Variants in CDKAL1 observed in about 807,000 individuals in gnomAD.
CDKAL1 encodes the protein threonylcarbamoyladenosine tRNA methylthiotransferase.
In CDKAL1, 32 loss-of-function variants were observed where a neutral mutation model predicts 68.2. That is an observed-to-expected ratio of 0.47 (90% CI 0.35 to 0.63). The LOEUF is 0.63. Among genes scored for constraint, CDKAL1 ranks in the 30% least tolerant of loss-of-function variants. The pLI, the probability that CDKAL1 is intolerant of heterozygous loss-of-function variation, is 0.00. For synonymous variants in CDKAL1, 234 were observed against 244.3 expected, an observed-to-expected ratio of 0.96 and a Z score of 0.39; for missense variants, 606 against 696.7, an observed-to-expected ratio of 0.87 and a Z score of 1.47.
At chr6:20,975,967 C>G (rs765544736) in intron 10 of CDKAL1, among the ~76,000 whole-genome samples, 3 of 152,014 alleles carry the variant, frequency 2.0e-5, no homozygotes, top group Non-Finnish European at 4.4e-5. Flanking sequence ...TGACACGTAC[C>G]CACCGTTATA....
At chr6:20,819,502 C>G (rs1415614002) in intron 8 of CDKAL1, among the ~76,000 whole-genome samples, 2 of 152,246 alleles carry the variant, frequency 1.3e-5, no homozygotes, top group African/African-American at 4.8e-5. Context: ...GCTCTGTCTC[C>G]TGTTTTTCTG....
chr6:20,770,964 T>C (rs528333810), intron 7 of CDKAL1, among the ~76,000 whole-genome samples: 17 of 152,168 alleles, frequency 1.1e-4, no homozygotes, highest in Non-Finnish European at 2.4e-4. Flanking sequence ...GTGGTGTCTC[T>C]CTGTACTTAG....
chr6:20,548,940 TCAC>T (rs1763710899), intron 4 of CDKAL1, among the ~76,000 whole-genome samples: 1 of 152,232 alleles, frequency 6.6e-6, no homozygotes, highest in South Asian at 2.1e-4. Context: ...CATATGCCCA[TCAC>T]CAAGCTTCCC....
chr6:20,801,999 A>T (rs1395371185), intron 8 of CDKAL1, among the ~76,000 whole-genome samples: 2 of 152,074 alleles, frequency 1.3e-5, no homozygotes, highest in Non-Finnish European at 2.9e-5. Context: ...GTTAACCTTT[A>T]AAAAATATGA....
chr6:20,951,158 G>T (rs1407190651), intron 9 of CDKAL1, among the ~76,000 whole-genome samples: 1 of 151,960 alleles, frequency 6.6e-6, no homozygotes, highest in Non-Finnish European at 1.5e-5. Context: ...TATGTTTGTG[G>T]TTATTTTTAG....
intron 9 of CDKAL1, among the ~76,000 whole-genome samples, chr6:20,867,323 T>C (rs1369890671): frequency 6.6e-6 from 1 of 152,200 alleles, no homozygotes; most frequent in Non-Finnish European, 1.5e-5. Context: ...TGGAGATTTA[T>C]AGACAATAAG....
intron 13 of CDKAL1, among the ~76,000 whole-genome samples, chr6:21,121,892 G>T (rs1774739574): frequency 6.6e-6 from 1 of 152,154 alleles, no homozygotes; most frequent in African/African-American, 2.4e-5. Context: ...TGTGTATAGA[G>T]ATCTTAATTC....
chr6:20,664,988 G>A (rs2127774265), intron 5 of CDKAL1, among the ~76,000 whole-genome samples: 1 of 152,170 alleles, frequency 6.6e-6, no homozygotes, highest in Admixed American at 6.6e-5. Flanking sequence ...AACCGTGGGA[G>A]CCTTTGTACC....
chr6:20,574,332 A>G (rs13215603), intron 4 of CDKAL1, among the ~76,000 whole-genome samples: 14,018 of 152,108 alleles, frequency 0.092, 1,156 homozygotes, highest in African/African-American at 0.22. Flanking sequence ...CAGAAAGTAA[A>G]AGGATGTAAT....
intron 5 of CDKAL1, among the ~76,000 whole-genome samples, chr6:20,660,649 A>G (rs1769243986): frequency 6.6e-6 from 1 of 152,198 alleles, no homozygotes; most frequent in African/African-American, 2.4e-5. Flanking sequence ...TAGTTAAAGC[A>G]TCATGTCTTG....
chr6:20,774,528 G>A (rs9465890), intron 7 of CDKAL1, among the ~76,000 whole-genome samples: 39,487 of 151,920 alleles, frequency 0.26, 5,525 homozygotes, highest in Non-Finnish European at 0.33. Context: ...GTTTTCCCTC[G>A]GTTCTAACAC....
intron 9 of CDKAL1, among the ~76,000 whole-genome samples, chr6:20,847,503 T>G (rs963462663): frequency 6.6e-6 from 1 of 152,336 alleles, no homozygotes; most frequent in South Asian, 2.1e-4. Flanking sequence ...GGCATGAAAT[T>G]AGTACTTTTT....
At chr6:21,092,088 A>G (rs1329611441) in intron 12 of CDKAL1, among the ~76,000 whole-genome samples, 42 of 149,546 alleles carry the variant, frequency 2.8e-4, no homozygotes, top group Middle Eastern at 3.4e-3. Flanking sequence ...GGGTTTCACC[A>G]TGTTAGCCAG....
chr6:21,088,291 T>C (rs1772813486), intron 12 of CDKAL1, among the ~76,000 whole-genome samples: 1 of 152,206 alleles, frequency 6.6e-6, no homozygotes, highest in African/African-American at 2.4e-5. Flanking sequence ...CACTGCACAA[T>C]TAGTTCAATT....
intron 9 of CDKAL1, among the ~76,000 whole-genome samples, chr6:20,856,685 A>G (rs1170987252): frequency 6.6e-6 from 1 of 152,148 alleles, no homozygotes; most frequent in African/African-American, 2.4e-5. Context: ...GAGTTAACCA[A>G]ATGTTTGCGT....
At chr6:20,627,003 C>T (rs1390020125) in intron 4 of CDKAL1, among the ~76,000 whole-genome samples, 3 of 152,180 alleles carry the variant, frequency 2.0e-5, no homozygotes, top group Admixed American at 1.3e-4. Context: ...TTTGGAAATA[C>T]ATTCTGGGTT....
chr6:20,614,150 A>G (rs1174964779), intron 4 of CDKAL1, among the ~76,000 whole-genome samples: 1 of 152,026 alleles, frequency 6.6e-6, no homozygotes, highest in African/African-American at 2.4e-5. Flanking sequence ...GGTACTCTCT[A>G]TTTGGGAAAT....
chr6:21,056,574 G>A (rs1480831625), intron 11 of CDKAL1, among the ~76,000 whole-genome samples: 1 of 152,148 alleles, frequency 6.6e-6, no homozygotes, highest in Non-Finnish European at 1.5e-5. Flanking sequence ...AACAGGAGTA[G>A]CGAGAGAGGG....
At chr6:20,648,362 T>A (rs891544308) in intron 4 of CDKAL1, among the ~76,000 whole-genome samples, 4 of 151,984 alleles carry the variant, frequency 2.6e-5, no homozygotes, top group African/African-American at 9.7e-5. Context: ...ACTACGGACC[T>A]CATGATCCAC....
Sources: allele counts gnomAD v4.1 joint callset (sites outside exome capture counted in the v4.1 genomes callset), GRCh38; gene constraint gnomAD v4.1.1; transcripts MANE v1.5; gene names NCBI Gene and HGNC (gene_info 2026-07-23, HGNC 2026-07-21).